ZFHX3: variants seen among roughly 807,000 people sequenced by gnomAD.
ZFHX3 encodes the protein zinc finger homeobox 3, also known as zinc finger homeobox protein 3.
Under a neutral mutation model 279.1 loss-of-function variants are expected in ZFHX3, and 42 were observed. That is an observed-to-expected ratio of 0.15 (90% confidence interval 0.12 to 0.19). ZFHX3 has a LOEUF of 0.19. Among genes scored for constraint, ZFHX3 ranks in the 10% least tolerant of loss-of-function variants. ZFHX3 has a pLI of 1.00. For missense variants in ZFHX3, 4,981 were observed against 4,754.0 expected, an observed-to-expected ratio of 1.05 and a Z score of -1.40; for synonymous variants, 2,293 against 1,957.8, an observed-to-expected ratio of 1.17 and a Z score of -4.52.
At chr16:73,274,404 C>A (rs2014237242) in intron 4 of ZFHX3, among the ~76,000 whole-genome samples, 1 of 152,056 alleles carries the variant, frequency 6.6e-6, no homozygotes. Flanking sequence ...GGCTTCTGGT[C>A]TTTATCTTTG....
At chr16:73,781,924 T>C (rs1240407858) in intron 1 of ZFHX3, among the ~76,000 whole-genome samples, 1 of 151,814 alleles carries the variant, frequency 6.6e-6, no homozygotes, top group East Asian at 1.9e-4. Context: ...GAGGTGGAGG[T>C]TGCAGTGAGC....
intron 1 of ZFHX3, among the ~76,000 whole-genome samples, chr16:73,055,723 T>TACACACACAC (rs1306492960): frequency 1.2e-5 from 1 of 83,102 alleles, no homozygotes; most frequent in East Asian, 5.2e-4. Flanking sequence ...CACACACACA[T>TACACACACAC]ACACACACAC....
chr16:73,621,556 A>G (rs1437553494), intron 2 of ZFHX3, among the ~76,000 whole-genome samples: 1 of 152,186 alleles, frequency 6.6e-6, no homozygotes, highest in African/African-American at 2.4e-5. Context: ...GCCTTTACAA[A>G]TAGTGGCTCC....
intron 5 of ZFHX3, among the ~76,000 whole-genome samples, chr16:73,182,955 A>G (rs1306176365): frequency 6.6e-6 from 1 of 152,230 alleles, no homozygotes; most frequent in Non-Finnish European, 1.5e-5. Flanking sequence ...CTGTAATCCC[A>G]GCACTTTGGA....
At chr16:73,025,412 T>C (rs1003110486) in intron 1 of ZFHX3, among the ~76,000 whole-genome samples, 2 of 152,166 alleles carry the variant, frequency 1.3e-5, no homozygotes, top group Non-Finnish European at 2.9e-5. Context: ...AGCAAGTAAA[T>C]TGCTATTGGC....
chr16:73,163,664 G>C (rs1001091757), intron 5 of ZFHX3, among the ~76,000 whole-genome samples: 4 of 152,210 alleles, frequency 2.6e-5, no homozygotes, highest in Non-Finnish European at 5.9e-5. Flanking sequence ...CAGTTCAGAA[G>C]AGTGCACGTT....
At chr16:72,891,848 C>T (rs779431876) in intron 3 of ZFHX3, among the ~76,000 whole-genome samples, 50 of 152,220 alleles carry the variant, frequency 3.3e-4, no homozygotes, top group Non-Finnish European at 4.7e-4. Context: ...ACACAACAAA[C>T]GTCTCAGAAC....
chr16:73,855,413 A>G (rs191885596), intron 1 of ZFHX3, among the ~76,000 whole-genome samples: 1 of 152,264 alleles, frequency 6.6e-6, no homozygotes, highest in East Asian at 1.9e-4. Context: ...GAGGAAGTCA[A>G]CTTCCCTGAG....
chr16:73,722,555 A>G (rs141903804), intron 1 of ZFHX3, among the ~76,000 whole-genome samples: 11 of 152,366 alleles, frequency 7.2e-5, no homozygotes, highest in East Asian at 1.9e-4. Context: ...AGCGTACTCT[A>G]TGAAATACAC....
At chr16:72,897,491 G>A (rs887712297) in intron 3 of ZFHX3, among the ~76,000 whole-genome samples, 2 of 152,096 alleles carry the variant, frequency 1.3e-5, no homozygotes, top group African/African-American at 4.8e-5. Context: ...CCAGGATGGA[G>A]TGCAGTGGTG....
chr16:72,952,376 C>A (rs1316498961), intron 2 of ZFHX3, among the ~76,000 whole-genome samples: 1 of 152,236 alleles, frequency 6.6e-6, no homozygotes, highest in Non-Finnish European at 1.5e-5. Context: ...TGTTCTCTTT[C>A]CTGATCCTCT....
At chr16:73,242,240 G>A (rs2013145407) in intron 5 of ZFHX3, among the ~76,000 whole-genome samples, 1 of 152,144 alleles carries the variant, frequency 6.6e-6, no homozygotes, top group Non-Finnish European at 1.5e-5. Context: ...AGTCAGGGCA[G>A]AATAAGAAGG....
chr16:72,933,344 G>A (rs190946557), intron 3 of ZFHX3, among the ~76,000 whole-genome samples: 11 of 152,272 alleles, frequency 7.2e-5, no homozygotes, highest in Non-Finnish European at 1.5e-4. Context: ...GTGGAGGGGA[G>A]GACAGCAGGG....
intron 1 of ZFHX3, among the ~76,000 whole-genome samples, chr16:73,058,333 G>C (rs1965612048): frequency 1.3e-5 from 2 of 148,448 alleles, no homozygotes; most frequent in Admixed American, 1.3e-4. Context: ...GACGCAGCGA[G>C]CGAGCAGGGC....
intron 1 of ZFHX3, among the ~76,000 whole-genome samples, chr16:73,855,216 CTTTTT>C (rs1032892286): frequency 9.0e-6 from 1 of 111,488 alleles, no homozygotes; most frequent in Non-Finnish European, 1.8e-5. Context: ...AGGCGTTAGC[CTTTTT>C]TTTTTTTTTT....
intron 2 of ZFHX3, among the ~76,000 whole-genome samples, chr16:73,642,056 C>T (rs1354565483): frequency 6.6e-6 from 1 of 152,098 alleles, no homozygotes; most frequent in African/African-American, 2.4e-5. Context: ...ATTTGTTTCT[C>T]TTTAAGGCAG....
intron 4 of ZFHX3, among the ~76,000 whole-genome samples, chr16:73,295,169 C>CGG (rs2014879230): frequency 6.6e-6 from 1 of 152,026 alleles, no homozygotes; most frequent in African/African-American, 2.4e-5. Context: ...GAGCTGAGAT[C>CGG]GCGCCACTGC....
At position 72,787,438 on chromosome 16, in the gene ZFHX3, GAGGC is replaced by G; in HGVS notation, c.10834_10837del (p.Ala3612ProfsTer81). On this transcript the variant is annotated frameshift_variant, in exon 10 of 10. Coordinates refer to ENST00000268489, the MANE Select transcript of ZFHX3 (RefSeq NM_006885.4). LOFTEE classifies it high-confidence loss of function. Reference sequence around the variant, plus strand: ...GACCACTTGCGGCCAAGACTTCCTGGAGGCGTGGGGGGAAGCGGAGGAGGGGGCG... The same window carrying G: ...GACCACTTGCGGCCAAGACTTCCTGGGTGGGGGGAAGCGGAGGAGGGGGCG... The G allele has an allele frequency of 6.2e-7, 1 of 1,604,806 alleles. No homozygotes were observed. The highest frequency in any genetic ancestry group is 8.5e-7 in the Non-Finnish European group (1 of 1,173,952).
At chr16:73,591,692 CAAA>C (rs57402211) in intron 2 of ZFHX3, among the ~76,000 whole-genome samples, 415 of 33,336 alleles carry the variant, frequency 0.012, no homozygotes, top group African/African-American at 0.021. Context: ...GACTCTGTCT[CAAA>C]AAAAAAAAAA....
Sources: allele counts gnomAD v4.1 joint callset (sites outside exome capture counted in the v4.1 genomes callset), GRCh38; gene constraint gnomAD v4.1.1; transcripts MANE v1.5; gene names NCBI Gene and HGNC (gene_info 2026-07-23, HGNC 2026-07-21).